Variants in PATL2 observed in about 807,000 individuals in gnomAD.
The protein encoded by PATL2 is PAT1 homolog 2, also known as protein PAT1 homolog 2.
In PATL2, 73 loss-of-function variants were observed where a neutral mutation model predicts 77.0. The ratio of observed to expected loss-of-function variants is 0.95; its 90% CI spans 0.78 to 1.15. The LOEUF is 1.15. PATL2 is among the 50% of genes most tolerant of loss of function. The pLI is 0.00. For synonymous variants in PATL2, 265 were observed against 257.1 expected, an observed-to-expected ratio of 1.03 and a Z score of -0.29; for missense variants, 618 against 655.4, an observed-to-expected ratio of 0.94 and a Z score of 0.62.
intron 15 of PATL2, 47 bp downstream of exon 15, chr15:44,668,295 A>G: frequency 6.5e-7 from 1 of 1,534,082 alleles, no homozygotes; most frequent in Non-Finnish European, 8.8e-7. Flanking sequence ...TATCAGTGAT[A>G]CCAACCTGAA....
In PATL2 at chr15:44,669,387, C is replaced by G; in HGVS notation, c.957G>C (p.Glu319Asp). The change falls in exon 13 of 18, where the codon GAG becomes GAC. Residue 319 changes from glutamate (E) to aspartate (D), a missense_variant. Glu to Asp is a conservative substitution (Grantham distance 45). Transcript: ENST00000682850. The stretch of plus-strand genomic sequence containing the variant: ...GTGGAGGCCTATACTTCCAGCCTTC[C>G]TCTATTTCTAGTAACTGAAGGAACA... ...EKMFLQLLEI[E>D]EGWKYRPPPP... 1.3e-6 allele frequency: 2 copies of G among 1,551,366 alleles called. No individual in the cohort carries two copies. The highest frequency in any genetic ancestry group is 1.7e-6 in the Non-Finnish European group (2 of 1,146,696).
chr15:44,676,197 A>G (rs185006066), intron 4 of PATL2: 69 of 465,954 alleles, frequency 1.5e-4, no homozygotes, highest in African/African-American at 1.3e-3. Context: ...ACTCACTGCA[A>G]TTTAACCCTA....
intron 5 of PATL2, chr15:44,675,248 G>A (rs1368289696): frequency 5.9e-6 from 3 of 506,884 alleles, no homozygotes; most frequent in East Asian, 3.4e-5. Flanking sequence ...GCCTGTGGGC[G>A]ATGCACAGCT....
intron 3 of PATL2, among the ~76,000 whole-genome samples, chr15:44,705,852 A>T (rs2086726017): frequency 8.0e-6 from 1 of 124,526 alleles, no homozygotes. Flanking sequence ...CCCAGGCTGG[A>T]GTACAGTGGT....
At position 44,676,511 on chromosome 15, in the gene PATL2, CCTT is replaced by C. The variant is rs2085963300; in HGVS notation, c.-24_-22del. The C allele has an allele frequency of 2.6e-6, 4 of 1,551,374 alleles. No individual in the cohort carries two copies. Among genetic ancestry groups the C allele is most frequent in the Admixed American group, 2.0e-5 (1 of 50,982 alleles). On this transcript the variant is annotated 5_prime_UTR_variant, in exon 4 of 18. Transcript: ENST00000682850. ...TTCATCTTGGCAGGCTGGTGGACTT[CCTT>C]CTTAGCCGTGTCCTCCAGTGAAACA... is the stretch of plus-strand genomic sequence containing the variant.
intron 6 of PATL2, 93 bp from the exon 7 acceptor site, chr15:44,673,470 C>G (rs2085795016): frequency 6.8e-7 from 1 of 1,462,604 alleles, no homozygotes; most frequent in African/African-American, 1.4e-5. Flanking sequence ...CCTACCTTTT[C>G]CCCTCAAGAA....
chr15:44,673,130 T>C, intron 7 of PATL2, 105 bp downstream of exon 7: 4 of 1,368,244 alleles, frequency 2.9e-6, no homozygotes, highest in Non-Finnish European at 3.9e-6. Context: ...CTCAGACTTC[T>C]CTTACTAGTT....
chr15:44,665,893 C>A lies in PATL2; in HGVS notation c.*60G>T. 1 of 1,550,420 alleles carries A rather than the reference C, an allele frequency of 6.4e-7. No homozygotes were observed. Among genetic ancestry groups the A allele is most frequent in the Non-Finnish European group, 8.7e-7 (1 of 1,146,252 alleles). On this transcript the variant is annotated 3_prime_UTR_variant, in exon 18 of 18. Coordinates refer to ENST00000682850, the MANE Select transcript of PATL2 (RefSeq NM_001387263.1). ...CTCTCTGGATCCCTGTAAACATAGTCTATGTAGCTAGTGTCTGATGATTCA... is the reference window on the plus strand; with the variant it reads ...CTCTCTGGATCCCTGTAAACATAGTATATGTAGCTAGTGTCTGATGATTCA...
intron 3 of PATL2, among the ~76,000 whole-genome samples, chr15:44,687,801 A>G (rs1219291301): frequency 1.3e-5 from 2 of 152,188 alleles, no homozygotes; most frequent in Admixed American, 6.5e-5. Flanking sequence ...CCCAGTCACA[A>G]TTGCTACAAA....
chr15:44,704,624 A>C (rs1170448811), intron 3 of PATL2, among the ~76,000 whole-genome samples: 1 of 152,190 alleles, frequency 6.6e-6, no homozygotes, highest in Non-Finnish European at 1.5e-5. Context: ...TTTCCACTCA[A>C]GATATGAGTA....
chr15:44,665,803 GAAGA>G lies in PATL2; in HGVS notation c.*146_*149del. ...TTTTAGGCACATCATTTAGATTTTTGAAGAAAGGATATGAAAATGGGGAAGGGTT... is the reference window on the plus strand; with the variant it reads ...TTTTAGGCACATCATTTAGATTTTTGAAGGATATGAAAATGGGGAAGGGTT... On this transcript the variant is annotated 3_prime_UTR_variant, in exon 18 of 18. Coordinates refer to ENST00000682850, the MANE Select transcript of PATL2 (RefSeq NM_001387263.1). 6.6e-7 allele frequency: 1 copy of G among 1,513,724 alleles called. No individual in the cohort carries two copies. Among genetic ancestry groups the G allele is most frequent in the Non-Finnish European group, 8.8e-7 (1 of 1,132,470 alleles). The allele number at this position is 1,513,724 out of a possible 1,614,324, so 93.8% of individuals were successfully genotyped here.
chr15:44,685,510 A>G (rs1240335162), intron 3 of PATL2, among the ~76,000 whole-genome samples: 1 of 152,066 alleles, frequency 6.6e-6, no homozygotes, highest in African/African-American at 2.4e-5. Context: ...TGGGAGGCTG[A>G]GGCAGGAGAA....
chr15:44,705,478 CTGCAG>C (rs2086715755), intron 3 of PATL2, among the ~76,000 whole-genome samples: 1 of 152,200 alleles, frequency 6.6e-6, no homozygotes, highest in Non-Finnish European at 1.5e-5. Context: ...CTGCACCTGG[CTGCAG>C]CCAGTAACTC....
chr15:44,693,407 G>A (rs1287758581), intron 3 of PATL2, among the ~76,000 whole-genome samples: 1 of 152,128 alleles, frequency 6.6e-6, no homozygotes, highest in Non-Finnish European at 1.5e-5. Flanking sequence ...TTCATGGCCT[G>A]TTCCTTCATC....
intron 3 of PATL2, among the ~76,000 whole-genome samples, chr15:44,700,245 T>G (rs2086600191): frequency 6.6e-6 from 1 of 152,282 alleles, no homozygotes; most frequent in South Asian, 2.1e-4. Flanking sequence ...ATATTAGGTA[T>G]TTAAATTTAA....
At chr15:44,702,396 T>C (rs183897933) in intron 3 of PATL2, among the ~76,000 whole-genome samples, 39 of 152,168 alleles carry the variant, frequency 2.6e-4, no homozygotes, top group Admixed American at 2.4e-3. Flanking sequence ...TTAGCGAGTC[T>C]GGCTAAGGAA....
chr15:44,668,474 T>C lies in PATL2; in HGVS notation c.1233A>G (p.Gln411=), dbSNP rs1198712807. 5.2e-6 allele frequency: 8 copies of C among 1,550,420 alleles called. No homozygotes were observed. The highest frequency in any genetic ancestry group is 6.1e-6 in the Non-Finnish European group (7 of 1,146,692). The part of the protein sequence containing the change: ...VRRDVADQAL[Q]MLFKPLGKCI... ...ATTTGCCCAGAGGTTTGAATAACATTTGTAGGGCCTGCAAGAAGATCAGTA... is the reference window on the plus strand; with the variant it reads ...ATTTGCCCAGAGGTTTGAATAACATCTGTAGGGCCTGCAAGAAGATCAGTA... Residue 411 remains glutamine, a synonymous_variant, in exon 15 of 18, where the codon CAA becomes CAG. Transcript: ENST00000682850.
chr15:44,669,836 A>G lies in PATL2; in HGVS notation c.817T>C (p.Ser273Pro). Residue 273 changes from serine to proline, a missense_variant, in exon 11 of 18, where the codon TCG (serine) becomes CCG (proline). By Grantham distance (74) the Ser-to-Pro change is moderately conservative (BLOSUM62 -1). Coordinates refer to ENST00000682850, the MANE Select transcript of PATL2 (RefSeq NM_001387263.1). Reference sequence around the variant, plus strand: ...GCTCGGCGAGGGCTGAAGCATGTCGACACAGCTACCTGGCCCAGGGAACCC... The same window carrying G: ...GCTCGGCGAGGGCTGAAGCATGTCGGCACAGCTACCTGGCCCAGGGAACCC... ...IEGSLGQVAVSTCFSPRRAID... is the reference protein window; with the variant it reads ...IEGSLGQVAVPTCFSPRRAID... 6.4e-7 allele frequency: 1 copy of G among 1,551,622 alleles called. No individual in the cohort carries two copies. Among genetic ancestry groups the G allele is most frequent in the Non-Finnish European group, 8.7e-7 (1 of 1,146,972 alleles).
rs1002723303 is a variant in PATL2 at position 44,669,883 on chromosome 15, G to A, written c.779-9C>T. ...ACCCTCGATTCGGACCACTGCATGAGAAGAGAGGCACATTTCCTTCCCCCT... is the reference window on the plus strand; with the variant it reads ...ACCCTCGATTCGGACCACTGCATGAAAAGAGAGGCACATTTCCTTCCCCCT... On this transcript the variant is annotated splice_polypyrimidine_tract_variant and intron_variant, in intron 10 of 17. Transcript: ENST00000682850. 18 of 1,551,370 alleles carry A rather than the reference G, an allele frequency of 1.2e-5. No individual in the cohort carries two copies. The highest frequency in any genetic ancestry group is 1.6e-5 in the Non-Finnish European group (18 of 1,146,960).
Sources: gnomAD v4.1 joint callset for allele counts (sites outside exome capture counted in the v4.1 genomes callset) on GRCh38, gnomAD v4.1.1 for gene constraint, MANE v1.5 for transcripts, NCBI Gene and HGNC (gene_info 2026-07-23, HGNC 2026-07-21) for gene names.